The following AASDH variants were observed in gnomAD, a reference collection of about 807,000 sequenced individuals.
AASDH encodes aminoadipate-semialdehyde dehydrogenase, also known as beta-alanine-activating enzyme.
A neutral mutation model predicts 102.3 loss-of-function variants in AASDH; 81 were observed. The ratio of observed to expected loss-of-function variants is 0.79; its 90% CI spans 0.66 to 0.95. The LOEUF is 0.95. AASDH is among the 40% of genes least tolerant of loss of function. The pLI is 0.00. For synonymous variants in AASDH, 398 were observed against 454.0 expected, an observed-to-expected ratio of 0.88 and a Z score of 1.57; for missense variants, 1,203 against 1,266.2, an observed-to-expected ratio of 0.95 and a Z score of 0.76.
intron 4 of AASDH, among the ~76,000 whole-genome samples, chr4:56,377,736 T>A (rs1293347565): frequency 2.0e-5 from 3 of 152,240 alleles, no homozygotes; most frequent in Admixed American, 6.5e-5. Context: ...TTAGGACTAT[T>A]AATTTAGGAA....
At chr4:56,364,235 C>T (rs1750698534) in intron 5 of AASDH, among the ~76,000 whole-genome samples, 1 of 152,106 alleles carries the variant, frequency 6.6e-6, no homozygotes. Context: ...ACCAAATCTA[C>T]GTCTGATTGG....
chr4:56,343,468 A>C (rs898875106), intron 13 of AASDH, 94 bp downstream of exon 13: 65 of 990,648 alleles, frequency 6.6e-5, no homozygotes, highest in Non-Finnish European at 8.7e-5. Context: ...TACTACAATT[A>C]ACTGAAAACT....
intron 14 of AASDH, among the ~76,000 whole-genome samples, chr4:56,339,036 CATA>C (rs1227452035): frequency 6.6e-6 from 1 of 152,066 alleles, no homozygotes; most frequent in African/African-American, 2.4e-5. Context: ...CACTGCCGTG[CATA>C]ATAAGTAAAA....
intron 4 of AASDH, among the ~76,000 whole-genome samples, chr4:56,377,565 C>A (rs1276067982): frequency 6.6e-6 from 1 of 152,292 alleles, no homozygotes; most frequent in East Asian, 1.9e-4. Flanking sequence ...CTAGGAAAAT[C>A]CTTTCTCCCT....
intron 13 of AASDH, 93 bp from the exon 14 acceptor site, chr4:56,343,059 A>T: frequency 8.0e-7 from 1 of 1,254,060 alleles, no homozygotes; most frequent in East Asian, 3.1e-5. Flanking sequence ...CTAGGGTTAG[A>T]ACTAAAATAG....
rs76654050 is a variant in AASDH at position 56,354,631 on chromosome 4, C to T, written c.1210+74G>A. 3.2e-4 allele frequency: 357 copies of T among 1,102,406 alleles called. 1 individual carries two copies. In the East Asian group the frequency reaches 7.0e-3, roughly 22 times the overall value. 68.3% of individuals were successfully genotyped at this position (1,102,406 alleles called of 1,614,324 possible). Reference sequence around the variant, plus strand: ...GCATGAGATAGACAAAAGAAAAAGACGAAAGGAATAAAATTAACACATCAG... The same window carrying T: ...GCATGAGATAGACAAAAGAAAAAGATGAAAGGAATAAAATTAACACATCAG... On this transcript the variant is annotated intron_variant, in intron 7 of 14. Coordinates refer to ENST00000205214, the MANE Select transcript of AASDH (RefSeq NM_181806.4).
chr4:56,348,290 G>A (rs574236463), intron 11 of AASDH, among the ~76,000 whole-genome samples: 26 of 149,216 alleles, frequency 1.7e-4, no homozygotes, highest in South Asian at 6.4e-4. Flanking sequence ...GTCCTGCTCT[G>A]CTTGCTCAGA....
chr4:56,375,376 A>T (rs1752222081), intron 4 of AASDH, among the ~76,000 whole-genome samples: 1 of 152,198 alleles, frequency 6.6e-6, no homozygotes, highest in African/African-American at 2.4e-5. Flanking sequence ...TCTAAAATAG[A>T]AAATTTAACA....
At chr4:56,385,644 C>T (rs1578096291) in intron 1 of AASDH, among the ~76,000 whole-genome samples, 2 of 152,314 alleles carry the variant, frequency 1.3e-5, no homozygotes, top group South Asian at 4.1e-4. Flanking sequence ...GTTCCCCAGG[C>T]TGGAATGCAA....
At chr4:56,363,698 C>G (rs1023334429) in intron 5 of AASDH, among the ~76,000 whole-genome samples, 1 of 152,108 alleles carries the variant, frequency 6.6e-6, no homozygotes, top group African/African-American at 2.4e-5. Flanking sequence ...ACAGAAAGGA[C>G]ATCCACACCA....
chr4:56,380,324 A>G (rs904299562), intron 3 of AASDH, among the ~76,000 whole-genome samples: 16 of 152,174 alleles, frequency 1.1e-4, no homozygotes, highest in Non-Finnish European at 1.5e-4. Flanking sequence ...TTCTTTGAAT[A>G]TATCTTTTTA....
chr4:56,341,017 T>C lies in AASDH; in HGVS notation c.2907+1818A>G, dbSNP rs552326719. Reference sequence around the variant, plus strand: ...GCTATTACTAAAAGAACATAACAAATGCTGGCAAGGATGTGGAGAAAAAGG... The same window carrying C: ...GCTATTACTAAAAGAACATAACAAACGCTGGCAAGGATGTGGAGAAAAAGG... On this transcript the variant is annotated intron_variant, in intron 14 of 14. Coordinates refer to ENST00000205214, the MANE Select transcript of AASDH (RefSeq NM_181806.4). 8.5e-5 allele frequency among the ~76,000 whole-genome samples: 13 copies of C among 152,178 alleles called. No homozygotes were observed. The East Asian group carries it at 2.5e-3, about 29-fold the overall frequency.
intron 4 of AASDH, 106 bp downstream of exon 4, chr4:56,378,042 G>C (rs899141589): frequency 9.0e-7 from 1 of 1,112,054 alleles, no homozygotes; most frequent in Non-Finnish European, 1.3e-6. Context: ...CTGACCTCAA[G>C]TGATCCACCC....
At chr4:56,365,739 T>C (rs1750913821) in intron 5 of AASDH, among the ~76,000 whole-genome samples, 2 of 152,140 alleles carry the variant, frequency 1.3e-5, no homozygotes, top group South Asian at 4.1e-4. Context: ...GGGAAATTTA[T>C]AGCACTAAAT....
chr4:56,361,358 G>A (rs2109927043), intron 5 of AASDH, among the ~76,000 whole-genome samples: 1 of 152,130 alleles, frequency 6.6e-6, no homozygotes, highest in Admixed American at 6.5e-5. Context: ...GCGGTGAGCT[G>A]AGATCACACC....
At chr4:56,361,948 G>A (rs1050987648) in intron 5 of AASDH, among the ~76,000 whole-genome samples, 4 of 152,008 alleles carry the variant, frequency 2.6e-5, no homozygotes, top group African/African-American at 7.2e-5. Context: ...CTCCAGCCTG[G>A]GTAACAAAGC....
At chr4:56,367,036 A>G (rs1751099967) in intron 5 of AASDH, among the ~76,000 whole-genome samples, 1 of 152,014 alleles carries the variant, frequency 6.6e-6, no homozygotes, top group Non-Finnish European at 1.5e-5. Flanking sequence ...CAGGATACAA[A>G]ATCAATGTAC....
At chr4:56,356,126 C>T in intron 5 of AASDH, 1 of 636,042 alleles carries the variant, frequency 1.6e-6, no homozygotes, top group Non-Finnish European at 2.8e-6. Flanking sequence ...TCTCCTCCCG[C>T]CGTCCAAGAT....
At chr4:56,354,251 G>A in intron 7 of AASDH, 40 bp from the exon 8 acceptor site, 13 of 1,462,196 alleles carry the variant, frequency 8.9e-6, no homozygotes, top group South Asian at 3.2e-5. Context: ...AAAATCCAAG[G>A]GAAATATATT....
Sources: allele counts gnomAD v4.1 joint callset (sites outside exome capture counted in the v4.1 genomes callset), GRCh38; gene constraint gnomAD v4.1.1; transcripts MANE v1.5; gene names NCBI Gene and HGNC (gene_info 2026-07-23, HGNC 2026-07-21).